Variants in CHST11 observed in about 807,000 individuals in gnomAD.
CHST11 encodes the protein C4S-1.
CHST11 carries 9 observed loss-of-function variants against 30.4 expected under a neutral mutation model. The ratio of observed to expected loss-of-function variants is 0.30; its 90% confidence interval spans 0.18 to 0.52. The LOEUF (loss-of-function observed/expected upper bound fraction) is 0.52, where lower values mean the gene tolerates loss of function less well. CHST11 is among the 20% of genes least tolerant of loss of function. The pLI is 0.97. For synonymous variants in CHST11, 152 were observed against 187.8 expected (o/e 0.81, Z 1.56); for missense variants, 348 against 460.6 (o/e 0.76, Z 2.24).
chr12:104,475,688 A>ATATTTATTTATT (rs1555226435), intron 1 of CHST11, among the ~76,000 whole-genome samples: 1 of 78,466 alleles, frequency 1.3e-5, no homozygotes, highest in Non-Finnish European at 2.9e-5. Context: ...ATATATATAT[A>ATATTTATTTATT]TATTTCTGAT....
intron 1 of CHST11, among the ~76,000 whole-genome samples, chr12:104,499,694 A>AT (rs1565964418): frequency 2.0e-5 from 3 of 152,234 alleles, no homozygotes; most frequent in African/African-American, 7.2e-5. Context: ...CCAAAAAAAA[A>AT]GAAGGAAAAA....
rs149269924 is a variant in CHST11 at position 104,664,444 on chromosome 12, T to A, written c.204+62453T>A. ...TGGTGTGTTCTAGAGAAGCACGGCT[T>A]TATGTAAAAATGTAAGATTTATTTT... On this transcript the variant is annotated intron_variant, in intron 2 of 2. Transcript: ENST00000303694. Among the ~76,000 whole-genome samples, 1,298 of 152,314 alleles carry A rather than the reference T, an allele frequency of 8.5e-3. 11 individuals are homozygous for A. Among genetic ancestry groups the A allele is most frequent in the African/African-American group, 0.028 (1,177 of 41,556 alleles).
At chr12:104,588,648 C>T (rs919401589) in intron 1 of CHST11, among the ~76,000 whole-genome samples, 4 of 152,216 alleles carry the variant, frequency 2.6e-5, no homozygotes, top group Non-Finnish European at 5.9e-5. Flanking sequence ...AAGTCCATCC[C>T]GGTGATGTTT....
At chr12:104,583,873 C>T (rs1407973711) in intron 1 of CHST11, among the ~76,000 whole-genome samples, 1 of 152,076 alleles carries the variant, frequency 6.6e-6, no homozygotes, top group East Asian at 1.9e-4. Context: ...CCACCACACC[C>T]AGCTAATTTT....
At chr12:104,490,407 C>T (rs2037733526) in intron 1 of CHST11, among the ~76,000 whole-genome samples, 1 of 152,154 alleles carries the variant, frequency 6.6e-6, no homozygotes, top group Admixed American at 6.5e-5. Context: ...TCAGGTATTA[C>T]CCAACTGCAC....
intron 2 of CHST11, among the ~76,000 whole-genome samples, chr12:104,641,006 T>C (rs2039371443): frequency 6.6e-6 from 1 of 152,120 alleles, no homozygotes; most frequent in South Asian, 2.1e-4. Context: ...CAGCTGGACA[T>C]TGGAGACTAC....
At chr12:104,556,532 T>C (rs1393886330) in intron 1 of CHST11, among the ~76,000 whole-genome samples, 1 of 152,208 alleles carries the variant, frequency 6.6e-6, no homozygotes, top group Non-Finnish European at 1.5e-5. Flanking sequence ...TTCCCATGTC[T>C]CTCTCCTGGC....
At chr12:104,635,622 G>A (rs770641961) in intron 2 of CHST11, among the ~76,000 whole-genome samples, 109 of 152,194 alleles carry the variant, frequency 7.2e-4, no homozygotes, top group Non-Finnish European at 1.2e-3. Context: ...AGAGCCTTAG[G>A]ACATGTCTGT....
chr12:104,569,908 G>A (rs769110098), intron 1 of CHST11, among the ~76,000 whole-genome samples: 59 of 152,168 alleles, frequency 3.9e-4, no homozygotes, highest in Non-Finnish European at 6.0e-4. Flanking sequence ...AGGACGGGTT[G>A]CGAAAGGAAC....
At chr12:104,737,492 G>A (rs746386668) in intron 2 of CHST11, among the ~76,000 whole-genome samples, 23 of 152,248 alleles carry the variant, frequency 1.5e-4, no homozygotes, top group Non-Finnish European at 2.2e-4. Context: ...TGGGATGCCT[G>A]ACGCATCACA....
chr12:104,481,072 T>C (rs2037617479), intron 1 of CHST11, among the ~76,000 whole-genome samples: 1 of 152,228 alleles, frequency 6.6e-6, no homozygotes, highest in African/African-American at 2.4e-5. Context: ...TGTGCCGTAC[T>C]TTCCAGCTAT....
intron 2 of CHST11, among the ~76,000 whole-genome samples, chr12:104,723,425 A>C (rs1042768452): frequency 6.6e-6 from 1 of 152,202 alleles, no homozygotes; most frequent in Non-Finnish European, 1.5e-5. Context: ...CCTAACCCTG[A>C]AGGCTTGTTC....
At chr12:104,705,134 T>C (rs964907064) in intron 2 of CHST11, among the ~76,000 whole-genome samples, 7 of 152,070 alleles carry the variant, frequency 4.6e-5, no homozygotes, top group African/African-American at 1.7e-4. Context: ...TTAGGCAAAA[T>C]GTGGAGAAGT....
chr12:104,564,849 A>G (rs1254100257), intron 1 of CHST11, among the ~76,000 whole-genome samples: 3 of 152,216 alleles, frequency 2.0e-5, no homozygotes, highest in African/African-American at 4.8e-5. Context: ...AAGGAGGAGC[A>G]AAGGCACATC....
chr12:104,748,315 C>T (rs2040404161), intron 2 of CHST11, among the ~76,000 whole-genome samples: 1 of 152,198 alleles, frequency 6.6e-6, no homozygotes, highest in African/African-American at 2.4e-5. Context: ...GGTTCCTAGT[C>T]CAGCGGCATC....
At chr12:104,756,630 C>T (rs967082700) in intron 2 of CHST11, among the ~76,000 whole-genome samples, 1 of 151,706 alleles carries the variant, frequency 6.6e-6, no homozygotes, top group Admixed American at 6.6e-5. Context: ...TCAAGGTAAC[C>T]TTGAACTCTG....
chr12:104,518,355 A>G (rs1051618114), intron 1 of CHST11, among the ~76,000 whole-genome samples: 1 of 152,192 alleles, frequency 6.6e-6, no homozygotes, highest in African/African-American at 2.4e-5. Flanking sequence ...GTGAGTAGGA[A>G]GGAGGGAAGA....
intron 1 of CHST11, among the ~76,000 whole-genome samples, chr12:104,542,514 G>T (rs1366283360): frequency 6.6e-6 from 1 of 152,194 alleles, no homozygotes. Flanking sequence ...GACACAGAAG[G>T]ACAAATACTG....
Position 104,625,436 on chromosome 12 carries a change from C to T in CHST11, c.204+23445C>T, listed in dbSNP as rs1166895453. 2.6e-5 allele frequency among the ~76,000 whole-genome samples: 4 copies of T among 152,326 alleles called. No individual in the cohort carries two copies. The East Asian group carries it at 5.8e-4, about 22-fold the overall frequency. On this transcript the variant is annotated intron_variant, in intron 2 of 2. Transcript: ENST00000303694. Reference sequence around the variant, plus strand: ...TCTCCTGCCTCAGCCTCCTGAGTACCTGGGATTACATGTGCCCACCACCAT... The same window carrying T: ...TCTCCTGCCTCAGCCTCCTGAGTACTTGGGATTACATGTGCCCACCACCAT...
Sources: gnomAD v4.1 joint callset for allele counts (sites outside exome capture counted in the v4.1 genomes callset) on GRCh38, gnomAD v4.1.1 for gene constraint, MANE v1.5 for transcripts, NCBI Gene and HGNC (gene_info 2026-07-23, HGNC 2026-07-21) for gene names.